ABCA8: variants seen among roughly 807,000 people sequenced by gnomAD.
The protein encoded by ABCA8 is ABC-type organic anion transporter ABCA8.
Under a neutral mutation model 192.3 loss-of-function variants are expected in ABCA8, and 177 were observed. The ratio of observed to expected loss-of-function variants is 0.92; its 90% CI spans 0.81 to 1.04. The LOEUF (loss-of-function observed/expected upper bound fraction) is 1.04, where lower values mean the gene tolerates loss of function less well. Among genes scored for constraint, ABCA8 ranks in the 50% least tolerant of loss-of-function variants. The pLI is 0.00. For synonymous variants in ABCA8, 642 were observed against 690.2 expected (o/e 0.93, Z 1.09); for missense variants, 1,915 against 1,904.8 (o/e 1.01, Z -0.10).
At position 68,882,739 on chromosome 17, in the gene ABCA8, T is replaced by C; in HGVS notation, c.3708-20A>G. On this transcript the variant is annotated intron_variant, in intron 29 of 39. Coordinates refer to ENST00000586539, the MANE Select transcript of ABCA8 (RefSeq NM_001288985.2). Reference sequence around the variant, plus strand: ...GAAATTCTAGAGTCAAAACCATCCATTAATATTGATTTCTGGCTTTCATCT... The same window carrying C: ...GAAATTCTAGAGTCAAAACCATCCACTAATATTGATTTCTGGCTTTCATCT... The C allele has an allele frequency of 6.2e-7, 1 of 1,601,384 alleles. No individual in the cohort carries two copies. Among genetic ancestry groups the C allele is most frequent in the Non-Finnish European group, 8.5e-7 (1 of 1,175,446 alleles).
intron 37 of ABCA8, 47 bp from the exon 38 acceptor site, chr17:68,869,826 T>TCA: frequency 7.4e-6 from 9 of 1,221,784 alleles, no homozygotes; most frequent in Non-Finnish European, 1.1e-5. Context: ...TTGTGCCAGA[T>TCA]GTGAACTGAT....
rs370830810 is a variant in ABCA8 at position 68,887,906 on chromosome 17, A to ATATATATG, written c.3145-401_3145-400insCATATATA. Among the ~76,000 whole-genome samples the ATATATATG allele has an allele frequency of 5.0e-3, 303 of 60,870 alleles. 7 individuals carry two copies. Among genetic ancestry groups the ATATATATG allele is most frequent in the African/African-American group, 0.027 (286 of 10,576 alleles). 39.9% of individuals were successfully genotyped at this position (60,870 alleles called of 152,430 possible). A position where few individuals can be genotyped will look rare whatever the true frequency, so the allele number is the denominator to read the frequency against. ...CATATATATATATATATATATATAT[A>ATATATATG]TCCATATATATATATATATTATATA... On this transcript the variant is annotated intron_variant, in intron 24 of 39. Transcript: ENST00000586539.
At position 68,911,494 on chromosome 17, in the gene ABCA8, TGGGCC is replaced by T. The variant is rs573759208; in HGVS notation, c.2139-3620_2139-3616del. On this transcript the variant is annotated intron_variant, in intron 17 of 39. Coordinates refer to ENST00000586539, the MANE Select transcript of ABCA8 (RefSeq NM_001288985.2). The surrounding 1 kb of genome is among the most constrained non-coding windows in gnomAD (Gnocchi z 5.7). The stretch of plus-strand genomic sequence containing the variant: ...CCAGAAGGCATTTCTGGACCCACCC[TGGGCC>T]AGTGGGAAGCTTGCCACCATAAAGG... Among the ~76,000 whole-genome samples, 336 of 152,212 alleles carry T rather than the reference TGGGCC, an allele frequency of 2.2e-3. 1 individual carries two copies. The highest frequency in any genetic ancestry group is 8.0e-3 in the African/African-American group (331 of 41,542).
chr17:68,918,930 C>CAAAAAAAAAAAAAAAAA (rs34377045), intron 14 of ABCA8, among the ~76,000 whole-genome samples: 2 of 45,950 alleles, frequency 4.4e-5, no homozygotes, highest in African/African-American at 1.5e-4. Context: ...AACTCTGTCT[C>CAAAAAAAAAAAAAAAAA]AAAAAAAAAA....
In ABCA8 at chr17:68,936,997, C is replaced by G; in HGVS notation, c.420G>C (p.Leu140Phe). Residue 140 changes from leucine (L) to phenylalanine (F), a missense_variant, in exon 5 of 40, where the codon TTG becomes TTC. Physicochemically the swap from Leu to Phe is conservative, Grantham distance 22. Transcript: ENST00000586539. Reference protein sequence around the residue: ...TNTYSYHLKFLLGHGMPAKKE... With the variant: ...TNTYSYHLKFFLGHGMPAKKE... Reference sequence around the variant, plus strand: ...TCTTTGCTGGCATTCCATGTCCTAGCAAGAACTTCAAATGATATGAGTATG... The same window carrying G: ...TCTTTGCTGGCATTCCATGTCCTAGGAAGAACTTCAAATGATATGAGTATG... The G allele has an allele frequency of 6.2e-7, 1 of 1,608,000 alleles. No homozygotes were observed. Among genetic ancestry groups the G allele is most frequent in the Non-Finnish European group, 8.5e-7 (1 of 1,177,744 alleles).
At chr17:68,954,157 G>C (rs2143842001) in intron 1 of ABCA8, among the ~76,000 whole-genome samples, 1 of 150,478 alleles carries the variant, frequency 6.6e-6, no homozygotes, top group East Asian at 2.0e-4. Flanking sequence ...TCTAGCATTA[G>C]GTATATCTCC....
intron 2 of ABCA8, among the ~76,000 whole-genome samples, chr17:68,943,964 C>G (rs1567885718): frequency 6.6e-6 from 1 of 152,016 alleles, no homozygotes; most frequent in Non-Finnish European, 1.5e-5. Context: ...CCATGGAATA[C>G]TATGCAGCCA....
intron 7 of ABCA8, among the ~76,000 whole-genome samples, chr17:68,931,014 G>A (rs1049818760): frequency 3.3e-5 from 5 of 152,094 alleles, no homozygotes; most frequent in African/African-American, 1.2e-4. Context: ...ACACTACCCA[G>A]CCCCTATTCA....
At chr17:68,876,935 T>C (rs574216448) in intron 33 of ABCA8, among the ~76,000 whole-genome samples, 18 of 152,336 alleles carry the variant, frequency 1.2e-4, no homozygotes, top group Non-Finnish European at 1.8e-4. Flanking sequence ...AGTTGTTCTA[T>C]GACAGTCCAA....
At chr17:68,893,349 C>T (rs531903170) in intron 23 of ABCA8, among the ~76,000 whole-genome samples, 3 of 152,222 alleles carry the variant, frequency 2.0e-5, no homozygotes, top group Admixed American at 1.3e-4. Context: ...ATATACATTC[C>T]GATCACTTGG....
chr17:68,875,794 G>A (rs2066188676), intron 35 of ABCA8, 61 bp from the exon 36 acceptor site: 3 of 1,549,526 alleles, frequency 1.9e-6, no homozygotes, highest in Non-Finnish European at 2.6e-6. Context: ...GAAAGAGATA[G>A]AGAAAAGAAT....
At position 68,940,975 on chromosome 17, in the gene ABCA8, G is replaced by A. The variant is rs999707531; in HGVS notation, c.97-13C>T. 3.9e-6 allele frequency: 6 copies of A among 1,552,410 alleles called. No homozygotes were observed. Among genetic ancestry groups the A allele is most frequent in the Admixed American group, 1.8e-5 (1 of 56,172 alleles). ...AATTCAGCCATTCCTATATAATACA[G>A]GAAAAAAGATAAAGAAAAGTCTTAT... On this transcript the variant is annotated splice_polypyrimidine_tract_variant and intron_variant, in intron 3 of 39. Coordinates refer to ENST00000586539, the MANE Select transcript of ABCA8 (RefSeq NM_001288985.2).
intron 2 of ABCA8, among the ~76,000 whole-genome samples, chr17:68,948,533 T>TA (rs2068478158): frequency 1.3e-5 from 2 of 152,356 alleles, no homozygotes; most frequent in South Asian, 4.1e-4. Context: ...GTTGGCCACA[T>TA]AAATGTCTTC....
chr17:68,880,346 T>A (rs1221640962), intron 32 of ABCA8: 3 of 152,192 alleles, frequency 2.0e-5, no homozygotes, highest in Non-Finnish European at 4.4e-5. Flanking sequence ...GTGAAGCTCC[T>A]CACCTCCAGT....
chr17:68,921,391 G>A lies in ABCA8; in HGVS notation c.1603C>T (p.Pro535Ser). ...ACAAACTAGTTTGTACCTTTGGTGG[G>A]AACAGACAACCCACTAAGAATGTTT... ...LLNILSGLSVPTKGSVTIYNN... is the reference protein window; with the variant it reads ...LLNILSGLSVSTKGSVTIYNN... The change falls in exon 13 of 40, where the codon CCC becomes TCC. Residue 535 changes from proline (P) to serine (S), a missense_variant. Physicochemically the swap from Pro to Ser is moderately conservative, Grantham distance 74. Coordinates refer to ENST00000586539, the MANE Select transcript of ABCA8 (RefSeq NM_001288985.2). 1 of 1,606,712 alleles carries A rather than the reference G, an allele frequency of 6.2e-7. No individual in the cohort carries two copies. Among genetic ancestry groups the A allele is most frequent in the Non-Finnish European group, 8.5e-7 (1 of 1,175,890 alleles).
intron 37 of ABCA8, 95 bp from the exon 38 acceptor site, chr17:68,869,874 AATGGTG>A: frequency 2.3e-6 from 2 of 874,212 alleles, no homozygotes; most frequent in Non-Finnish European, 3.7e-6. Context: ...TCTTTTAAAA[AATGGTG>A]TTAGGAACAT....
Position 68,929,234 on chromosome 17 carries a change from C to G in ABCA8, c.940G>C (p.Val314Leu). The change falls in exon 9 of 40, where the codon GTA becomes CTA. Residue 314 changes from valine to leucine, a missense_variant and splice_region_variant. Val to Leu is a conservative substitution (Grantham distance 32). Coordinates refer to ENST00000586539, the MANE Select transcript of ABCA8 (RefSeq NM_001288985.2). The stretch of plus-strand genomic sequence containing the variant: ...ATGCTCATTAAGAAAGCCAAAGCTA[C>G]CTAAAATGAGAGAAGATCTAGTTGG... The part of the protein sequence containing the change: ...SLFLLYGLSL[V>L]ALAFLMSILV... 1 of 1,581,128 alleles carries G rather than the reference C, an allele frequency of 6.3e-7. No homozygotes were observed. Among genetic ancestry groups the G allele is most frequent in the Non-Finnish European group, 8.6e-7 (1 of 1,164,880 alleles).
intron 21 of ABCA8, among the ~76,000 whole-genome samples, chr17:68,898,818 C>T (rs1023018781): frequency 6.6e-6 from 1 of 152,010 alleles, no homozygotes; most frequent in Non-Finnish European, 1.5e-5. Flanking sequence ...GCTACAGACT[C>T]TTTCCTCTGA....
intron 23 of ABCA8, among the ~76,000 whole-genome samples, chr17:68,892,464 GA>G (rs2143393788): frequency 6.6e-6 from 1 of 152,278 alleles, no homozygotes; most frequent in South Asian, 2.1e-4. Flanking sequence ...AGGTAAAGTA[GA>G]ATAGAGAATA....
Sources: gnomAD v4.1 joint callset for allele counts (sites outside exome capture counted in the v4.1 genomes callset) on GRCh38, gnomAD v4.1.1 for gene constraint, Gnocchi (gnomAD v3.1) non-coding constraint, MANE v1.5 for transcripts, NCBI Gene and HGNC (gene_info 2026-07-23, HGNC 2026-07-21) for gene names.